Variants in TBCK observed in about 807,000 individuals in gnomAD.
TBCK encodes TBC1 domain containing kinase, also known as TBC domain-containing protein kinase-like protein.
Under a neutral mutation model 113.4 loss-of-function variants are expected in TBCK, and 99 were observed. The observed-to-expected ratio is 0.87, with a 90% CI of 0.74 to 1.03. The LOEUF is 1.03. Ranked by LOEUF, TBCK falls within the 50% of genes least tolerant of loss-of-function variation. The pLI, the probability that TBCK is intolerant of heterozygous loss-of-function variation, is 0.00. For missense variants in TBCK, 1,045 were observed against 1,061.3 expected, an observed-to-expected ratio of 0.98 and a Z score of 0.21; for synonymous variants, 369 against 370.8, an observed-to-expected ratio of 1.00 and a Z score of 0.05.
At position 106,244,716 on chromosome 4, in the gene TBCK, T is replaced by C. The variant is rs767409791; in HGVS notation, c.980A>G (p.Tyr327Cys). 1.7e-5 allele frequency: 28 copies of C among 1,605,374 alleles called. No individual in the cohort carries two copies. Among genetic ancestry groups the C allele is most frequent in the Non-Finnish European group, 2.3e-5 (27 of 1,174,752 alleles). ...GTCACCTCCAGCCAAACACCAAAGG[T>C]AATACACTTCTTCAATAGATCTTTC... Reference protein sequence around the residue: ...LAERSIEEVYYLWCLAGGDLE... With the variant: ...LAERSIEEVYCLWCLAGGDLE... Residue 327 changes from tyrosine to cysteine, a missense_variant, in exon 11 of 26, where the codon TAC becomes TGC. Tyr to Cys is a radical substitution (Grantham distance 194). Coordinates refer to ENST00000394708, the MANE Select transcript of TBCK (RefSeq NM_001163435.3).
intron 3 of TBCK, among the ~76,000 whole-genome samples, chr4:106,283,440 T>C (rs948008807): frequency 6.6e-6 from 1 of 152,066 alleles, no homozygotes; most frequent in Admixed American, 6.6e-5. Flanking sequence ...TTTGCTTTGG[T>C]TGAGAAGAAG....
At chr4:106,119,098 T>A (rs1743928862) in intron 23 of TBCK, among the ~76,000 whole-genome samples, 1 of 152,200 alleles carries the variant, frequency 6.6e-6, no homozygotes. Flanking sequence ...ACTAGTCATT[T>A]AAAATTTCCA....
At chr4:106,108,475 A>C (rs1742443764) in intron 24 of TBCK, among the ~76,000 whole-genome samples, 1 of 152,238 alleles carries the variant, frequency 6.6e-6, no homozygotes, top group South Asian at 2.1e-4. Context: ...AATAAATGTG[A>C]TTCATTACAT....
intron 24 of TBCK, among the ~76,000 whole-genome samples, chr4:106,105,137 G>A (rs1578904474): frequency 1.3e-5 from 2 of 152,324 alleles, no homozygotes; most frequent in South Asian, 4.1e-4. Context: ...GACCTTAACT[G>A]TCTTATCCAT....
chr4:106,193,878 T>A, intron 21 of TBCK, 108 bp from the exon 22 acceptor site: 1 of 740,492 alleles, frequency 1.4e-6, no homozygotes, highest in Non-Finnish European at 2.1e-6. Context: ...TCAAAACTAT[T>A]ACTTCAGAGC....
At chr4:106,186,678 G>T (rs969530224) in intron 22 of TBCK, among the ~76,000 whole-genome samples, 4 of 152,048 alleles carry the variant, frequency 2.6e-5, no homozygotes, top group Non-Finnish European at 4.4e-5. Context: ...CATTTTGTAG[G>T]TTGTCTGTTT....
chr4:106,258,678 A>T (rs2150087906), intron 5 of TBCK, among the ~76,000 whole-genome samples: 1 of 152,102 alleles, frequency 6.6e-6, no homozygotes, highest in South Asian at 2.1e-4. Flanking sequence ...AACTTAAAGT[A>T]ATTTTTAGGT....
At chr4:106,133,669 T>C (rs1223558723) in intron 23 of TBCK, among the ~76,000 whole-genome samples, 2 of 152,214 alleles carry the variant, frequency 1.3e-5, no homozygotes, top group Non-Finnish European at 2.9e-5. Context: ...ATCTACATTT[T>C]CACAAAACAT....
chr4:106,088,303 C>T (rs1578857032), intron 25 of TBCK, among the ~76,000 whole-genome samples: 1 of 152,120 alleles, frequency 6.6e-6, no homozygotes, highest in Admixed American at 6.5e-5. Flanking sequence ...CATATATGAA[C>T]AGCTCCTCCT....
intron 23 of TBCK, among the ~76,000 whole-genome samples, chr4:106,134,324 C>T (rs1274871868): frequency 1.3e-5 from 2 of 151,880 alleles, no homozygotes; most frequent in Non-Finnish European, 2.9e-5. Context: ...TAATAGCATC[C>T]TGCACAGAGA....
intron 1 of TBCK, among the ~76,000 whole-genome samples, chr4:106,313,634 T>A (rs1386660325): frequency 6.6e-6 from 1 of 152,194 alleles, no homozygotes; most frequent in East Asian, 1.9e-4. Context: ...AGAATGAATA[T>A]AAGCCCAGGA....
chr4:106,307,759 C>T (rs1460268378), intron 2 of TBCK, among the ~76,000 whole-genome samples: 1 of 152,018 alleles, frequency 6.6e-6, no homozygotes, highest in Admixed American at 6.5e-5. Context: ...CCTTACCCTG[C>T]AATTAAGCTT....
chr4:106,216,049 A>T (rs1394596680), intron 19 of TBCK, among the ~76,000 whole-genome samples: 1 of 151,938 alleles, frequency 6.6e-6, no homozygotes, highest in Non-Finnish European at 1.5e-5. Flanking sequence ...ACTAGAACTC[A>T]GGATTAAGAA....
intron 25 of TBCK, among the ~76,000 whole-genome samples, chr4:106,065,527 A>G (rs62320120): frequency 0.077 from 11,669 of 152,118 alleles, 513 homozygotes; most frequent in Middle Eastern, 0.18. Context: ...CTTCCTACCA[A>G]TAGATGCAGT....
chr4:106,128,611 T>C (rs1281825755), intron 23 of TBCK, among the ~76,000 whole-genome samples: 1 of 151,998 alleles, frequency 6.6e-6, no homozygotes, highest in Non-Finnish European at 1.5e-5. Context: ...TTAAAGAAAA[T>C]GAAATAGTTT....
chr4:106,219,715 T>C (rs1277825315), intron 19 of TBCK, among the ~76,000 whole-genome samples: 1 of 152,134 alleles, frequency 6.6e-6, no homozygotes, highest in Admixed American at 6.5e-5. Context: ...CTTTTTTTTT[T>C]TTAAATATAG....
chr4:106,047,009 A>C (rs1734293803), intron 25 of TBCK, among the ~76,000 whole-genome samples: 1 of 152,188 alleles, frequency 6.6e-6, no homozygotes, highest in South Asian at 2.1e-4. Context: ...TTCTGTTCCC[A>C]GTCCTCCCTC....
intron 20 of TBCK, among the ~76,000 whole-genome samples, chr4:106,196,606 T>C (rs1161007761): frequency 6.6e-6 from 1 of 152,020 alleles, no homozygotes; most frequent in Non-Finnish European, 1.5e-5. Context: ...CACCATATCA[T>C]CATTTTTTAT....
intron 24 of TBCK, among the ~76,000 whole-genome samples, chr4:106,115,566 T>G (rs897540741): frequency 3.3e-5 from 5 of 152,164 alleles, no homozygotes; most frequent in Non-Finnish European, 4.4e-5. Context: ...GCTCTGTTTT[T>G]AAACAAAGTG....
Sources: gnomAD v4.1 joint callset for allele counts (sites outside exome capture counted in the v4.1 genomes callset) on GRCh38, gnomAD v4.1.1 for gene constraint, MANE v1.5 for transcripts, NCBI Gene and HGNC (gene_info 2026-07-23, HGNC 2026-07-21) for gene names.